The following SLC1A1 variants were observed in gnomAD, a reference collection of about 807,000 sequenced individuals.
The protein encoded by SLC1A1 is excitatory amino acid transporter 3.
A neutral mutation model predicts 53.3 loss-of-function variants in SLC1A1; 43 were observed. The observed-to-expected ratio is 0.81, with a 90% CI of 0.63 to 1.04. The LOEUF (loss-of-function observed/expected upper bound fraction) is 1.04, where lower values mean the gene tolerates loss of function less well. Among genes scored for constraint, SLC1A1 ranks in the 50% least tolerant of loss-of-function variants. The probability of loss-of-function intolerance (pLI) is 0.00; values close to 1 mark genes in which losing one functional copy is unlikely to be tolerated. For synonymous variants in SLC1A1, 307 were observed against 243.2 expected, an observed-to-expected ratio of 1.26 and a Z score of -2.44; for missense variants, 748 against 664.9, an observed-to-expected ratio of 1.12 and a Z score of -1.37.
chr9:4,575,563 A>G (rs144650093), intron 8 of SLC1A1, among the ~76,000 whole-genome samples: 1 of 152,236 alleles, frequency 6.6e-6, no homozygotes, highest in Non-Finnish European at 1.5e-5. Context: ...GGTGACATAC[A>G]GGGTGCCAAG....
intron 1 of SLC1A1, among the ~76,000 whole-genome samples, chr9:4,513,532 A>G (rs1039199170): frequency 1.3e-5 from 2 of 151,340 alleles, no homozygotes; most frequent in African/African-American, 4.8e-5. Flanking sequence ...TAGAGTGGCT[A>G]AAAAAAAATA....
At chr9:4,502,293 G>T (rs553923058) in intron 1 of SLC1A1, among the ~76,000 whole-genome samples, 2 of 145,950 alleles carry the variant, frequency 1.4e-5, no homozygotes, top group East Asian at 4.2e-4. Context: ...GGGCTGAGGT[G>T]AGAGGATCAC....
At position 4,582,997 on chromosome 9, in the gene SLC1A1, GGTAA is replaced by G. The variant is rs776777551; in HGVS notation, c.1194-38_1194-35del. The G allele has an allele frequency of 4.3e-6, 7 of 1,613,702 alleles. No homozygotes were observed. The African/African-American group carries it at 8.0e-5, about 18-fold the overall frequency. On this transcript the variant is annotated intron_variant, in intron 10 of 11. Transcript: ENST00000262352. ...TTCAGGCCAGGGCTTTAACGGGAGAGGTAAGTGTCTAACTCCTTTCCTGCTGGTA... is the reference window on the plus strand; with the variant it reads ...TTCAGGCCAGGGCTTTAACGGGAGAGGTGTCTAACTCCTTTCCTGCTGGTA...
chr9:4,543,407 G>T (rs1038775126), intron 1 of SLC1A1, among the ~76,000 whole-genome samples: 1 of 152,166 alleles, frequency 6.6e-6, no homozygotes, highest in Non-Finnish European at 1.5e-5. Context: ...TTGGGAGAAG[G>T]AAAGGGTAAA....
At chr9:4,564,298 C>A (rs768212654) in intron 3 of SLC1A1, 46 bp from the exon 4 acceptor site, 1 of 1,298,910 alleles carries the variant, frequency 7.7e-7, no homozygotes, top group Non-Finnish European at 1.1e-6. Context: ...GTGCCAGGTG[C>A]CCTGGAAGGT....
At chr9:4,527,933 A>T (rs774744985) in intron 1 of SLC1A1, among the ~76,000 whole-genome samples, 1 of 152,120 alleles carries the variant, frequency 6.6e-6, no homozygotes, top group Non-Finnish European at 1.5e-5. Flanking sequence ...AGACTCCCTT[A>T]TTGGGGTCAC....
chr9:4,508,340 TG>T (rs948844810), intron 1 of SLC1A1, among the ~76,000 whole-genome samples: 1 of 152,208 alleles, frequency 6.6e-6, no homozygotes, highest in Non-Finnish European at 1.5e-5. Flanking sequence ...GATACACCTG[TG>T]GGAGAGTGAG....
intron 10 of SLC1A1, among the ~76,000 whole-genome samples, chr9:4,577,245 A>G (rs1199302813): frequency 6.6e-6 from 1 of 152,228 alleles, no homozygotes; most frequent in Non-Finnish European, 1.5e-5. Flanking sequence ...GGAATTTAGC[A>G]GGCAAAAGAA....
intron 1 of SLC1A1, among the ~76,000 whole-genome samples, chr9:4,540,580 C>T (rs528142146): frequency 6.6e-6 from 1 of 152,186 alleles, no homozygotes; most frequent in Non-Finnish European, 1.5e-5. Context: ...GGACTCTGCA[C>T]GGAGTTCACT....
chr9:4,494,113 T>G (rs925727554), intron 1 of SLC1A1, among the ~76,000 whole-genome samples: 20 of 150,348 alleles, frequency 1.3e-4, no homozygotes, highest in African/African-American at 5.0e-4. Context: ...CTAGAAACAC[T>G]TTCACGGCTT....
chr9:4,505,503 C>A (rs956427246), intron 1 of SLC1A1, among the ~76,000 whole-genome samples: 5 of 152,186 alleles, frequency 3.3e-5, no homozygotes, highest in African/African-American at 9.7e-5. Context: ...ATTTTAATAT[C>A]TACAAATAAA....
rs1457499993 is a variant in SLC1A1, at chr9:4,564,410, G to A, written c.392G>A (p.Gly131Asp). ...TQKVGEIART[G>D]STPEVSTVDA... is the part of the protein sequence containing the mutation. ...AAAGTGGGTGAAATTGCGAGGACAG[G>A]CAGCACCCCTGAAGTCAGTACGGTG... The change falls in exon 4 of 12, where the codon GGC becomes GAC. Residue 131 changes from glycine to aspartate, a missense_variant. By Grantham distance (94) the Gly-to-Asp change is moderately conservative. Coordinates refer to ENST00000262352, the MANE Select transcript of SLC1A1 (RefSeq NM_004170.6). 2.5e-6 allele frequency: 4 copies of A among 1,613,882 alleles called. No individual in the cohort carries two copies. Among genetic ancestry groups the A allele is most frequent in the Non-Finnish European group, 3.4e-6 (4 of 1,179,906 alleles).
chr9:4,551,563 A>G (rs561531777), intron 2 of SLC1A1, among the ~76,000 whole-genome samples: 1 of 152,354 alleles, frequency 6.6e-6, no homozygotes, highest in Admixed American at 6.5e-5. Flanking sequence ...GGTGGCTAAG[A>G]GCATTTAATG....
intron 1 of SLC1A1, among the ~76,000 whole-genome samples, chr9:4,514,132 T>G (rs1458682120): frequency 6.6e-6 from 1 of 152,186 alleles, no homozygotes; most frequent in African/African-American, 2.4e-5. Context: ...TATAAGAATT[T>G]TAACATGTTA....
chr9:4,498,107 T>C (rs970360736), intron 1 of SLC1A1, among the ~76,000 whole-genome samples: 1 of 152,226 alleles, frequency 6.6e-6, no homozygotes, highest in Non-Finnish European at 1.5e-5. Flanking sequence ...TTTAAGAACC[T>C]TTAGCTTTAT....
Position 4,504,617 on chromosome 9 carries a change from G to A in SLC1A1, c.91+13847G>A, listed in dbSNP as rs558878440. ...TTTCCTGAGGTTTCACCAGACTGAA[G>A]AGATTCTGAGTTCTTGAAGTGATGG... On this transcript the variant is annotated intron_variant, in intron 1 of 11. Coordinates refer to ENST00000262352, the MANE Select transcript of SLC1A1 (RefSeq NM_004170.6). Among the ~76,000 whole-genome samples the A allele has an allele frequency of 2.0e-5, 3 of 152,324 alleles. No individual in the cohort carries two copies. The East Asian group carries it at 5.8e-4, about 29-fold the overall frequency.
chr9:4,574,438 G>A (rs1820356965), intron 8 of SLC1A1, among the ~76,000 whole-genome samples: 1 of 152,198 alleles, frequency 6.6e-6, no homozygotes, highest in East Asian at 1.9e-4. Flanking sequence ...ACTTGAGCAA[G>A]TAGGAGCAGG....
chr9:4,577,272 G>A (rs1333557457), intron 10 of SLC1A1, among the ~76,000 whole-genome samples: 1 of 152,208 alleles, frequency 6.6e-6, no homozygotes, highest in Non-Finnish European at 1.5e-5. Flanking sequence ...GGAGCATTTG[G>A]AGTGGCAGAA....
intron 1 of SLC1A1, among the ~76,000 whole-genome samples, chr9:4,530,219 A>G (rs1816415649): frequency 1.3e-5 from 2 of 152,134 alleles, no homozygotes; most frequent in Non-Finnish European, 2.9e-5. Flanking sequence ...CTCAATTTCC[A>G]TGATATAACT....
Sources: allele counts gnomAD v4.1 joint callset (sites outside exome capture counted in the v4.1 genomes callset), GRCh38; gene constraint gnomAD v4.1.1; transcripts MANE v1.5; gene names NCBI Gene and HGNC (gene_info 2026-07-23, HGNC 2026-07-21).